GFPT2: variants seen among roughly 807,000 people sequenced by gnomAD.
GFPT2 encodes glutamine--fructose-6-phosphate aminotransferase [isomerizing] 2.
Under a neutral mutation model 85.6 loss-of-function variants are expected in GFPT2, and 62 were observed. The ratio of observed to expected loss-of-function variants is 0.72; its 90% confidence interval spans 0.59 to 0.90. The LOEUF (loss-of-function observed/expected upper bound fraction) is 0.90, where lower values mean the gene tolerates loss of function less well. Among genes scored for constraint, GFPT2 ranks in the 40% least tolerant of loss-of-function variants. GFPT2 has a pLI of 0.00. For missense variants in GFPT2, 788 were observed against 893.4 expected, an observed-to-expected ratio of 0.88 and a Z score of 1.50; for synonymous variants, 368 against 344.5, an observed-to-expected ratio of 1.07 and a Z score of -0.75.
At chr5:180,335,715 A>C (rs954804376) in intron 4 of GFPT2, 113 bp downstream of exon 4, 109 of 1,096,962 alleles carry the variant, frequency 9.9e-5, no homozygotes, top group Non-Finnish European at 1.2e-4. Context: ...GGGAAGATGA[A>C]GTAGGCTGAG....
intron 1 of GFPT2, among the ~76,000 whole-genome samples, chr5:180,352,046 G>T (rs1764719899): frequency 1.3e-5 from 2 of 152,200 alleles, no homozygotes; most frequent in African/African-American, 4.8e-5. Flanking sequence ...GGAGAATGGC[G>T]TCTGGGAGCA....
intron 1 of GFPT2, among the ~76,000 whole-genome samples, chr5:180,345,177 A>G (rs1358133660): frequency 1.3e-5 from 2 of 152,280 alleles, no homozygotes; most frequent in Non-Finnish European, 2.9e-5. Flanking sequence ...TTATCATTCA[A>G]TAAAACCAAG....
intron 1 of GFPT2, among the ~76,000 whole-genome samples, chr5:180,341,630 T>C (rs916242440): frequency 3.3e-5 from 5 of 152,206 alleles, no homozygotes; most frequent in Non-Finnish European, 7.3e-5. Flanking sequence ...ATGTACACTA[T>C]GCTTTCTGAG....
intron 1 of GFPT2, among the ~76,000 whole-genome samples, chr5:180,343,637 C>T (rs1213410474): frequency 1.3e-5 from 2 of 152,266 alleles, no homozygotes; most frequent in Admixed American, 6.5e-5. Context: ...CTCTACTGCA[C>T]TCAAGTGAAT....
chr5:180,352,339 G>GA (rs34831746), intron 1 of GFPT2: 92,914 of 327,868 alleles, frequency 0.28, 11,511 homozygotes, highest in African/African-American at 0.38. Flanking sequence ...CCTACTCAAG[G>GA]AAAAAAAAAA....
intron 6 of GFPT2, among the ~76,000 whole-genome samples, chr5:180,329,757 G>A (rs1251417135): frequency 2.0e-5 from 3 of 152,226 alleles, no homozygotes; most frequent in South Asian, 4.1e-4. Context: ...ACAGCCCTGG[G>A]GGAGCTACTG....
chr5:180,341,176 T>C (rs1764507691), intron 1 of GFPT2, among the ~76,000 whole-genome samples: 2 of 152,150 alleles, frequency 1.3e-5, no homozygotes, highest in Non-Finnish European at 2.9e-5. Context: ...TCCTACCCAC[T>C]GGCCAGTACC....
In GFPT2 at chr5:180,316,882, C is replaced by T. The variant is rs202120702; in HGVS notation, c.1055-21G>A. On this transcript the variant is annotated intron_variant, in intron 11 of 18. Transcript: ENST00000253778. ...GAGCACTGCAGGGCACACGACAAGG[C>T]GTTAATGCTGAGTCTACACAGTCAC... is the stretch of plus-strand genomic sequence containing the variant. 75 of 1,593,828 alleles carry T rather than the reference C, an allele frequency of 4.7e-5. 1 individual carries two copies. The Admixed American group carries it at 6.7e-4, about 14-fold the overall frequency.
At chr5:180,311,154 C>A (rs576504985) in intron 15 of GFPT2, among the ~76,000 whole-genome samples, 4 of 152,220 alleles carry the variant, frequency 2.6e-5, no homozygotes, top group African/African-American at 9.6e-5. Context: ...CCCAGGGAAG[C>A]TCCAGCGTCC....
intron 17 of GFPT2, 54 bp from the exon 18 acceptor site, chr5:180,302,638 C>T (rs1763699970): frequency 4.3e-6 from 6 of 1,386,838 alleles, no homozygotes; most frequent in Admixed American, 1.8e-5. Context: ...GAAGCTATCC[C>T]TGATGCATAC....
chr5:180,308,084 G>GT (rs1763813469), intron 15 of GFPT2, among the ~76,000 whole-genome samples: 1 of 152,076 alleles, frequency 6.6e-6, no homozygotes, highest in African/African-American at 2.4e-5. Context: ...GTGAGACCTG[G>GT]TATCTACTAA....
chr5:180,307,152 TGGGGGC>T lies in GFPT2; in HGVS notation c.1674+18_1674+23del. 4.0e-6 allele frequency: 2 copies of T among 496,776 alleles called. No individual in the cohort carries two copies. The highest frequency in any genetic ancestry group is 5.9e-6 in the Non-Finnish European group (2 of 337,032). 30.8% of individuals were successfully genotyped at this position (496,776 alleles called of 1,614,324 possible). Reference sequence around the variant, plus strand: ...CTCCTGTGCCTGTCCTCCGTGGGGGTGGGGGCTGGGGGTGGGGGCTCACCAGGGCTC... The same window carrying T: ...CTCCTGTGCCTGTCCTCCGTGGGGGTTGGGGGTGGGGGCTCACCAGGGCTC... On this transcript the variant is annotated intron_variant, in intron 16 of 18. Coordinates refer to ENST00000253778, the MANE Select transcript of GFPT2 (RefSeq NM_005110.4).
intron 14 of GFPT2, 22 bp downstream of exon 14, chr5:180,313,785 G>C (rs776837801): frequency 1.3e-6 from 2 of 1,532,318 alleles, no homozygotes; most frequent in East Asian, 2.5e-5. Context: ...TCCCTGGGAC[G>C]GGCGCCCGTG....
Position 180,330,115 on chromosome 5 carries a change from G to A in GFPT2, c.534+585C>T, listed in dbSNP as rs1764277095. Among the ~76,000 whole-genome samples, 1 of 152,198 alleles carries A rather than the reference G, an allele frequency of 6.6e-6. No individual in the cohort carries two copies. Among genetic ancestry groups the A allele is most frequent in the African/African-American group, 2.4e-5 (1 of 41,440 alleles). On this transcript the variant is annotated intron_variant, in intron 6 of 18. Transcript: ENST00000253778. This position sits in a 1 kb window ranked among gnomAD's most constrained non-coding sequence, Gnocchi z 4.4. ...GCAGGTGGATCACTTAAAGTCAGGA[G>A]TTCGAGACCAGCCTGGTCAACATAG...
At chr5:180,343,198 TC>T (rs943128510) in intron 1 of GFPT2, among the ~76,000 whole-genome samples, 17 of 152,168 alleles carry the variant, frequency 1.1e-4, no homozygotes, top group African/African-American at 4.1e-4. Context: ...TGAATGATGT[TC>T]CCGAGTGCAT....
chr5:180,326,562 C>T (rs986834535), intron 7 of GFPT2, among the ~76,000 whole-genome samples: 11 of 152,190 alleles, frequency 7.2e-5, no homozygotes, highest in Admixed American at 2.0e-4. Flanking sequence ...CTTCTCAAAG[C>T]GGGGGACAAA....
rs1764249345 is a variant in GFPT2 at position 180,328,356 on chromosome 5, G to GT, written c.535-19dup. 6.2e-7 allele frequency: 1 copy of GT among 1,604,590 alleles called. No individual in the cohort carries two copies. The highest frequency in any genetic ancestry group is 1.3e-5 in the African/African-American group (1 of 74,862). ...GCACCTTCCTGAAAACACACAAACA[G>GT]TGAGGGTCAACGCGTTCCAGCAGCC... is the stretch of plus-strand genomic sequence containing the variant. On this transcript the variant is annotated intron_variant, in intron 6 of 18. Coordinates refer to ENST00000253778, the MANE Select transcript of GFPT2 (RefSeq NM_005110.4). The surrounding 1 kb of genome is among the most constrained non-coding windows in gnomAD (Gnocchi z 5.4).
intron 15 of GFPT2, among the ~76,000 whole-genome samples, chr5:180,311,628 G>A (rs1472602611): frequency 2.0e-5 from 3 of 152,180 alleles, no homozygotes; most frequent in Admixed American, 6.5e-5. Flanking sequence ...GACACCAGCT[G>A]TCCAGTGGCA....
At chr5:180,329,401 G>A (rs922575102) in intron 6 of GFPT2, among the ~76,000 whole-genome samples, 3 of 152,120 alleles carry the variant, frequency 2.0e-5, no homozygotes, top group Non-Finnish European at 1.5e-5. Flanking sequence ...AAAAGAGCCC[G>A]GTACTGTCCC....
Sources: gnomAD v4.1 joint callset for allele counts (sites outside exome capture counted in the v4.1 genomes callset) on GRCh38, gnomAD v4.1.1 for gene constraint, Gnocchi (gnomAD v3.1) non-coding constraint, MANE v1.5 for transcripts, NCBI Gene and HGNC (gene_info 2026-07-23, HGNC 2026-07-21) for gene names.